Variants in MCUB observed in about 807,000 individuals in gnomAD.
MCUB encodes calcium uniporter regulatory subunit MCUb, mitochondrial.
A neutral mutation model predicts 41.4 loss-of-function variants in MCUB; 46 were observed. The observed-to-expected ratio is 1.11, with a 90% CI of 0.88 to 1.42. The LOEUF is 1.42. MCUB is among the 40% of genes most tolerant of loss of function. The probability of loss-of-function intolerance (pLI) is 0.00; values close to 1 mark genes in which losing one functional copy is unlikely to be tolerated. For synonymous variants in MCUB, 148 were observed against 148.2 expected, an observed-to-expected ratio of 1.00 and a Z score of 0.01; for missense variants, 403 against 404.9, an observed-to-expected ratio of 1.00 and a Z score of 0.04.
chr4:109,629,602 C>T (rs1467562352), intron 1 of MCUB, among the ~76,000 whole-genome samples: 8 of 152,148 alleles, frequency 5.3e-5, no homozygotes, highest in Non-Finnish European at 1.0e-4. Context: ...ACTGTCCTCT[C>T]CTCGGGTTCT....
At chr4:109,659,341 G>C (rs947383234) in intron 2 of MCUB, among the ~76,000 whole-genome samples, 3 of 152,084 alleles carry the variant, frequency 2.0e-5, no homozygotes, top group Admixed American at 1.3e-4. Flanking sequence ...TGTAATCCCA[G>C]CACTTTGGGA....
intron 1 of MCUB, among the ~76,000 whole-genome samples, chr4:109,640,057 T>C (rs1243476457): frequency 6.6e-6 from 1 of 152,190 alleles, no homozygotes; most frequent in Admixed American, 6.5e-5. Context: ...TCGTTAGTTC[T>C]TATAGGTTTG....
intron 1 of MCUB, among the ~76,000 whole-genome samples, chr4:109,655,046 A>G (rs1232340329): frequency 1.3e-5 from 2 of 152,196 alleles, no homozygotes; most frequent in African/African-American, 4.8e-5. Context: ...GCTGTAAATC[A>G]GGGGTTCCCA....
At chr4:109,591,966 C>T (rs959250840) in intron 1 of MCUB, among the ~76,000 whole-genome samples, 1 of 152,076 alleles carries the variant, frequency 6.6e-6, no homozygotes, top group East Asian at 1.9e-4. Flanking sequence ...ACCCTAAGTG[C>T]TAGGATTACA....
chr4:109,611,592 C>G (rs2126133446), intron 1 of MCUB, among the ~76,000 whole-genome samples: 1 of 152,250 alleles, frequency 6.6e-6, no homozygotes, highest in South Asian at 2.1e-4. Flanking sequence ...AAAATTGTGA[C>G]TTAGTGGAGA....
intron 1 of MCUB, among the ~76,000 whole-genome samples, chr4:109,597,416 C>A (rs1380155323): frequency 7.6e-6 from 1 of 131,462 alleles, no homozygotes; most frequent in Non-Finnish European, 1.7e-5. Flanking sequence ...GGGGGCTGAC[C>A]CCCCCACCTC....
At chr4:109,603,690 T>G (rs956971888) in intron 1 of MCUB, among the ~76,000 whole-genome samples, 1 of 149,838 alleles carries the variant, frequency 6.7e-6, no homozygotes, top group African/African-American at 2.5e-5. Context: ...GTCTGGGAAC[T>G]GAGGAGCGCC....
chr4:109,636,885 C>T (rs1015621480), intron 1 of MCUB, among the ~76,000 whole-genome samples: 3 of 152,204 alleles, frequency 2.0e-5, no homozygotes, highest in Non-Finnish European at 2.9e-5. Context: ...TCAAAAGTGG[C>T]GATTGCTTCT....
At chr4:109,565,838 C>CTT (rs34317769) in intron 1 of MCUB, among the ~76,000 whole-genome samples, 4 of 134,918 alleles carry the variant, frequency 3.0e-5, no homozygotes, top group Non-Finnish European at 6.4e-5. Flanking sequence ...ATTTTCATTT[C>CTT]TTTTTTTTTT....
chr4:109,590,601 A>G (rs984888317), intron 1 of MCUB, among the ~76,000 whole-genome samples: 10 of 152,236 alleles, frequency 6.6e-5, no homozygotes, highest in African/African-American at 2.4e-4. Context: ...TGCACTCCTT[A>G]AAAGCAATCA....
chr4:109,579,173 G>A (rs1354156951), intron 1 of MCUB, among the ~76,000 whole-genome samples: 1 of 152,090 alleles, frequency 6.6e-6, no homozygotes, highest in Non-Finnish European at 1.5e-5. Flanking sequence ...CATGGTTGTG[G>A]ATTTGAAACT....
intron 1 of MCUB, among the ~76,000 whole-genome samples, chr4:109,614,228 C>T (rs1728078442): frequency 6.6e-6 from 1 of 152,142 alleles, no homozygotes; most frequent in Non-Finnish European, 1.5e-5. Context: ...AGAATTGTGT[C>T]ATTTGAATCA....
At chr4:109,605,522 T>G (rs1044197016) in intron 1 of MCUB, among the ~76,000 whole-genome samples, 1 of 152,232 alleles carries the variant, frequency 6.6e-6, no homozygotes, top group African/African-American at 2.4e-5. Flanking sequence ...GATGAAATGT[T>G]CTGTAAATAT....
intron 1 of MCUB, among the ~76,000 whole-genome samples, chr4:109,594,209 G>A (rs760302909): frequency 3.3e-5 from 5 of 152,220 alleles, no homozygotes; most frequent in Admixed American, 1.3e-4. Context: ...TACAGTCTAC[G>A]TGGATATTGG....
intron 1 of MCUB, among the ~76,000 whole-genome samples, chr4:109,586,946 C>G (rs950023215): frequency 6.6e-6 from 1 of 152,238 alleles, no homozygotes; most frequent in Admixed American, 6.5e-5. Flanking sequence ...TCTGTCCTTT[C>G]TCCCAGCTCA....
At chr4:109,611,260 C>T (rs541127090) in intron 1 of MCUB, among the ~76,000 whole-genome samples, 1 of 152,326 alleles carries the variant, frequency 6.6e-6, no homozygotes, top group South Asian at 2.1e-4. Context: ...CTTCCTGGCA[C>T]TTTGGAACTT....
intron 1 of MCUB, among the ~76,000 whole-genome samples, chr4:109,570,300 T>C (rs1466933047): frequency 6.6e-6 from 1 of 152,238 alleles, no homozygotes; most frequent in Non-Finnish European, 1.5e-5. Context: ...TGCTGTATCT[T>C]TTATATCTTT....
intron 1 of MCUB, among the ~76,000 whole-genome samples, chr4:109,656,212 G>A (rs1394087649): frequency 1.3e-5 from 2 of 151,736 alleles, no homozygotes; most frequent in African/African-American, 4.8e-5. Flanking sequence ...AGCATTATAC[G>A]GACTCTAGCA....
chr4:109,677,467 C>T (rs79703380), intron 4 of MCUB, among the ~76,000 whole-genome samples: 1,680 of 152,154 alleles, frequency 0.011, 35 homozygotes, highest in African/African-American at 0.038. Flanking sequence ...TTTGAGGGGC[C>T]GGGGCAGAAT....
Sources: allele counts gnomAD v4.1 joint callset (sites outside exome capture counted in the v4.1 genomes callset), GRCh38; gene constraint gnomAD v4.1.1; transcripts MANE v1.5; gene names NCBI Gene and HGNC (gene_info 2026-07-23, HGNC 2026-07-21).